FANCA: variants seen among roughly 807,000 people sequenced by gnomAD.
The protein encoded by FANCA is Fanconi anemia group A protein.
FANCA carries 236 observed loss-of-function variants against 194.3 expected under a neutral mutation model. The observed-to-expected ratio is 1.21, with a 90% CI of 1.09 to 1.35. FANCA has a LOEUF of 1.35. Among genes scored for constraint, FANCA ranks in the 40% most tolerant of loss-of-function variants. The pLI, the probability that FANCA is intolerant of heterozygous loss-of-function variation, is 0.00. For synonymous variants in FANCA, 1,014 were observed against 715.8 expected (o/e 1.42, Z -6.65); for missense variants, 2,628 against 1,813.9 (o/e 1.45, Z -8.15).
At chr16:89,738,793 T>C in intron 42 of FANCA, 85 bp from the exon 43 acceptor site, 2 of 1,613,342 alleles carry the variant, frequency 1.2e-6, no homozygotes, top group Non-Finnish European at 1.7e-6. Flanking sequence ...AATAGTCGAG[T>C]TGTATTGCCA....
chr16:89,774,843 C>T (rs1215262566), intron 21 of FANCA, among the ~76,000 whole-genome samples: 1 of 151,526 alleles, frequency 6.6e-6, no homozygotes, highest in East Asian at 1.9e-4. Flanking sequence ...CCTGTAATCC[C>T]AGCACTTTGA....
intron 29 of FANCA, among the ~76,000 whole-genome samples, chr16:89,759,963 CCGGGG>C (rs2038896538): frequency 6.6e-6 from 1 of 151,214 alleles, no homozygotes; most frequent in East Asian, 1.9e-4. Context: ...CTGTGCGGGA[CCGGGG>C]TGCTCCACCC....
Position 89,814,623 on chromosome 16 carries a change from A to G in FANCA, c.190-10T>C. 6.3e-7 allele frequency: 1 copy of G among 1,596,396 alleles called. No homozygotes were observed. Among genetic ancestry groups the G allele is most frequent in the Non-Finnish European group, 8.6e-7 (1 of 1,164,006 alleles). On this transcript the variant is annotated splice_polypyrimidine_tract_variant and intron_variant, in intron 2 of 42. Transcript: ENST00000389301. ...ACAGTGGACCTTCTACCTAGAATCC[A>G]AAACACAACAAACTCCATTTAAAAA...
At chr16:89,814,659 C>T (rs1479879322) in intron 2 of FANCA, 46 bp from the exon 3 acceptor site, 1 of 1,448,458 alleles carries the variant, frequency 6.9e-7, no homozygotes, top group East Asian at 2.3e-5. Context: ...ATTCAAGCTC[C>T]AGGCCAGGCG....
chr16:89,789,091 G>A (rs949563414), intron 14 of FANCA, among the ~76,000 whole-genome samples: 1 of 151,962 alleles, frequency 6.6e-6, no homozygotes. Flanking sequence ...AAATCTCTCA[G>A]CGCCTCACTA....
intron 30 of FANCA, among the ~76,000 whole-genome samples, chr16:89,758,180 CTATACACA>C (rs879346824): frequency 2.0e-5 from 3 of 152,150 alleles, no homozygotes; most frequent in Non-Finnish European, 4.4e-5. Context: ...TCTGACAAGT[CTATACACA>C]TAAAGAAACA....
chr16:89,747,591 C>CA (rs931207905), intron 33 of FANCA, among the ~76,000 whole-genome samples: 21 of 152,006 alleles, frequency 1.4e-4, no homozygotes, highest in African/African-American at 4.8e-4. Context: ...CCCAGCTACT[C>CA]AGGAGGCTGA....
rs2038408872 is a variant in FANCA, at chr16:89,746,864, G to C, written c.3375C>G (p.Ala1125=). 2.6e-6 allele frequency: 4 copies of C among 1,561,516 alleles called. No individual in the cohort carries two copies. The highest frequency in any genetic ancestry group is 1.2e-5 in the South Asian group (1 of 85,194). Residue 1125 remains alanine (A), a synonymous_variant, in exon 34 of 43, where the codon GCC becomes GCG. Coordinates refer to ENST00000389301, the MANE Select transcript of FANCA (RefSeq NM_000135.4). The stretch of plus-strand genomic sequence containing the variant: ...AGTGGGCAGTGATGTCCTGTGTCAG[G>C]GCACCTCCGTGGGAGCAGAAGTTTC... ...EMRNFCSHGG[A]LTQDITAHFF...
chr16:89,812,073 C>G (rs183574158), intron 3 of FANCA, among the ~76,000 whole-genome samples: 2,291 of 151,004 alleles, frequency 0.015, 65 homozygotes, highest in African/African-American at 0.053. Context: ...CGGTGGCTCA[C>G]GCCTGTAATC....
In FANCA at chr16:89,783,600, G is replaced by T. The variant is rs2239361; in HGVS notation, c.1471-498C>A. Reference sequence around the variant, plus strand: ...AACACAATAGAAGGCTGCTTCCCCAGGTGAAAAATCAAGAAACCCTAATGT... The same window carrying T: ...AACACAATAGAAGGCTGCTTCCCCATGTGAAAAATCAAGAAACCCTAATGT... On this transcript the variant is annotated intron_variant, in intron 15 of 42. Transcript: ENST00000389301. Among the ~76,000 whole-genome samples the T allele has an allele frequency of 3.4e-3, 521 of 151,850 alleles. 22 individuals are homozygous for T. In the East Asian group the frequency reaches 0.091, roughly 26 times the overall value.
intron 30 of FANCA, among the ~76,000 whole-genome samples, chr16:89,755,710 T>C (rs7201028): frequency 0.42 from 64,559 of 152,118 alleles, 15,058 homozygotes; most frequent in East Asian, 0.76. Context: ...AAAGAACTCA[T>C]ACAACTCAGT....
At chr16:89,748,836 C>T in intron 32 of FANCA, 69 bp from the exon 33 acceptor site, 2 of 1,323,212 alleles carry the variant, frequency 1.5e-6, no homozygotes, top group South Asian at 1.2e-5. Flanking sequence ...AGGGCTCAGA[C>T]TCTCAGAGCA....
At position 89,770,604 on chromosome 16, in the gene FANCA, G is replaced by C. The variant is rs780192381; in HGVS notation, c.2182C>G (p.Gln728Glu). The part of the protein sequence containing the change: ...AVDLLLTSFC[Q>E]NLMAASSVAP... The stretch of plus-strand genomic sequence containing the variant: ...ACACTGGAGGCAGCCATCAGGTTCT[G>C]ACAGAAAGACGTCAGCAGGAGGTCC... The change falls in exon 24 of 43, where the codon CAG becomes GAG. Residue 728 changes from glutamine (Q) to glutamate (E), a missense_variant. Transcript: ENST00000389301. The C allele has an allele frequency of 1.9e-6, 3 of 1,611,632 alleles. No individual in the cohort carries two copies. Among genetic ancestry groups the C allele is most frequent in the Non-Finnish European group, 2.5e-6 (3 of 1,179,028 alleles).
chr16:89,801,384 G>A (rs1425679106), intron 8 of FANCA, among the ~76,000 whole-genome samples: 1 of 150,110 alleles, frequency 6.7e-6, no homozygotes, highest in East Asian at 2.0e-4. Flanking sequence ...AATCATCAGG[G>A]AAATACAAGT....
At chr16:89,771,650 CT>C in intron 23 of FANCA, 27 bp downstream of exon 23, 1 of 1,613,506 alleles carries the variant, frequency 6.2e-7, no homozygotes, top group Non-Finnish European at 8.5e-7. Flanking sequence ...TGAAGACCCC[CT>C]GCTTTGTTCT....
intron 17 of FANCA, among the ~76,000 whole-genome samples, chr16:89,781,363 CAAAAAAAAAAA>C (rs775937692): frequency 2.0e-4 from 12 of 60,402 alleles, no homozygotes; most frequent in Admixed American, 1.2e-3. Flanking sequence ...GACTCCATTC[CAAAAAAAAAAA>C]AAAAAAAAAA....
chr16:89,776,739 G>C (rs2039520074), intron 20 of FANCA, among the ~76,000 whole-genome samples: 1 of 151,960 alleles, frequency 6.6e-6, no homozygotes, highest in African/African-American at 2.4e-5. Flanking sequence ...GCTGAGGTGG[G>C]AGAATGGCAT....
In FANCA at chr16:89,799,232, A is replaced by G; in HGVS notation, c.827T>C (p.Phe276Ser). Residue 276 changes from phenylalanine to serine, a missense_variant and splice_region_variant, in exon 10 of 43, where the codon TTT becomes TCT. Transcript: ENST00000389301. The part of the protein sequence containing the change: ...TVDVLQRMLI[F>S]ALDALAAGVQ... ...TCCAGCAGCCAAAGCGTCAAGTGCA[A>G]CTGAAGACAGAGCCAGGAACAGAAA... 1 of 1,614,008 alleles carries G rather than the reference A, an allele frequency of 6.2e-7. No individual in the cohort carries two copies. The highest frequency in any genetic ancestry group is 8.5e-7 in the Non-Finnish European group (1 of 1,179,974).
intron 29 of FANCA, among the ~76,000 whole-genome samples, chr16:89,759,391 G>A (rs190085546): frequency 1.5e-3 from 219 of 146,768 alleles, no homozygotes; most frequent in African/African-American, 5.2e-3. Flanking sequence ...GCTACTCACA[G>A]GCCCACCAGA....
Sources: allele counts gnomAD v4.1 joint callset (sites outside exome capture counted in the v4.1 genomes callset), GRCh38; gene constraint gnomAD v4.1.1; transcripts MANE v1.5; gene names NCBI Gene and HGNC (gene_info 2026-07-23, HGNC 2026-07-21).